BCL2L14: variants seen among roughly 807,000 people sequenced by gnomAD.
BCL2L14 encodes apoptosis facilitator Bcl-2-like protein 14.
A neutral mutation model predicts 35.3 loss-of-function variants in BCL2L14; 27 were observed. The ratio of observed to expected loss-of-function variants is 0.76; its 90% CI spans 0.56 to 1.05. BCL2L14 has a LOEUF of 1.05. Ranked by LOEUF, BCL2L14 falls within the 50% of genes least tolerant of loss-of-function variation. The pLI, the probability that BCL2L14 is intolerant of heterozygous loss-of-function variation, is 0.00. For missense variants in BCL2L14, 377 were observed against 382.6 expected, an observed-to-expected ratio of 0.99 and a Z score of 0.12; for synonymous variants, 139 against 145.9, an observed-to-expected ratio of 0.95 and a Z score of 0.34.
rs182318381 is a variant in BCL2L14 at position 12,081,810 on chromosome 12, G to A, written c.433+2072G>A. On this transcript the variant is annotated intron_variant, in intron 2 of 5. Coordinates refer to ENST00000308721, the MANE Select transcript of BCL2L14 (RefSeq NM_138723.2). Reference sequence around the variant, plus strand: ...CTGACCTCGTGATCTGCCCACCTTGGGCTCCCGAAGTGCTGGGATTACAAG... The same window carrying A: ...CTGACCTCGTGATCTGCCCACCTTGAGCTCCCGAAGTGCTGGGATTACAAG... Among the ~76,000 whole-genome samples, 8 of 152,174 alleles carry A rather than the reference G, an allele frequency of 5.3e-5. No homozygotes were observed. The East Asian group carries it at 1.5e-3, about 29-fold the overall frequency.
At chr12:12,055,325 A>C (rs765145262) in intron 2 of BCL2L14, 2 of 152,252 alleles carry the variant, frequency 1.3e-5, no homozygotes, top group African/African-American at 2.4e-5. Flanking sequence ...GCCTTGCTAG[A>C]GTGAACGTGC....
intron 4 of BCL2L14, among the ~76,000 whole-genome samples, chr12:12,093,550 T>C (rs1266200660): frequency 1.3e-5 from 2 of 151,972 alleles, no homozygotes; most frequent in African/African-American, 4.8e-5. Context: ...CCCAGCACTT[T>C]GGGAGGCCGA....
At chr12:12,093,807 G>A (rs867859059) in intron 4 of BCL2L14, among the ~76,000 whole-genome samples, 21 of 46,710 alleles carry the variant, frequency 4.5e-4, no homozygotes, top group African/African-American at 6.4e-4. Flanking sequence ...AAAAAAAAAA[G>A]AAAGAAAGAA....
intron 2 of BCL2L14, among the ~76,000 whole-genome samples, chr12:12,059,262 G>A (rs2136712624): frequency 6.6e-6 from 1 of 151,864 alleles, no homozygotes; most frequent in African/African-American, 2.4e-5. Context: ...GGAGGGGCAA[G>A]TACCCCAACC....
At chr12:12,050,282 A>G (rs906574763) in intron 1 of BCL2L14, among the ~76,000 whole-genome samples, 1 of 151,996 alleles carries the variant, frequency 6.6e-6, no homozygotes, top group Non-Finnish European at 1.5e-5. Context: ...AAAGAGCCTC[A>G]ATTAGCTGGG....
At position 12,094,855 on chromosome 12, in the gene BCL2L14, G is replaced by A; in HGVS notation, c.870G>A (p.Met290Ile). ...TCACAGCTATTGACAACCACCCGAT[G>A]AACAGGGTCCTGGGCTTTGGCACCA... ...AKLTAIDNHP[M>I]NRVLGFGTKY... is the part of the protein sequence containing the mutation. The change falls in exon 5 of 6, where the codon ATG (methionine) becomes ATA (isoleucine). Residue 290 changes from methionine to isoleucine, a missense_variant. Physicochemically the swap from Met to Ile is conservative, Grantham distance 10 (BLOSUM62 1). Transcript: ENST00000308721. 1 of 1,614,156 alleles carries A rather than the reference G, an allele frequency of 6.2e-7. No homozygotes were observed. Among genetic ancestry groups the A allele is most frequent in the Non-Finnish European group, 8.5e-7 (1 of 1,180,044 alleles).
At chr12:12,086,471 A>G (rs1436201776) in intron 2 of BCL2L14, among the ~76,000 whole-genome samples, 3 of 152,220 alleles carry the variant, frequency 2.0e-5, no homozygotes, top group Non-Finnish European at 4.4e-5. Context: ...ATAGGCTACA[A>G]CACTCACTGG....
In BCL2L14 at chr12:12,099,041, G is replaced by C; in HGVS notation, c.*53G>C. The C allele has an allele frequency of 7.3e-7, 1 of 1,367,376 alleles. No homozygotes were observed. Among genetic ancestry groups the C allele is most frequent in the East Asian group, 2.3e-5 (1 of 43,718 alleles). 84.7% of individuals were successfully genotyped at this position (1,367,376 alleles called of 1,614,324 possible). A position where few individuals can be genotyped will look rare whatever the true frequency, so the allele number is the denominator to read the frequency against. On this transcript the variant is annotated 3_prime_UTR_variant, in exon 6 of 6. Transcript: ENST00000308721. ...CTTTGTCTACTGTGGTCCTGTGCAC[G>C]TTGGCCTCAGATGGACTACAGGAGA...
intron 4 of BCL2L14, among the ~76,000 whole-genome samples, chr12:12,091,471 T>G (rs1949186874): frequency 6.6e-6 from 1 of 152,218 alleles, no homozygotes; most frequent in Non-Finnish European, 1.5e-5. Context: ...GGCTTCTCTA[T>G]GCCTCCTGGG....
chr12:12,081,235 C>T (rs1948917607), intron 2 of BCL2L14, among the ~76,000 whole-genome samples: 1 of 151,954 alleles, frequency 6.6e-6, no homozygotes, highest in Non-Finnish European at 1.5e-5. Context: ...GATCACTTGA[C>T]ACCAAGAGTT....
At chr12:12,057,312 G>A (rs545669157) in intron 2 of BCL2L14, among the ~76,000 whole-genome samples, 2 of 152,246 alleles carry the variant, frequency 1.3e-5, no homozygotes, top group East Asian at 3.9e-4. Flanking sequence ...ATAATCAAAA[G>A]CAAATAAATA....
rs1470035540 is a variant in BCL2L14, at chr12:12,079,444, CT to C, written c.140del (p.Leu47ArgfsTer2). 1 of 1,614,224 alleles carries C rather than the reference CT, an allele frequency of 6.2e-7. No individual in the cohort carries two copies. The highest frequency in any genetic ancestry group is 1.7e-5 in the Admixed American group (1 of 60,028). ...CACCCCTGCTCTCTTCTCACCAAAG[CT>C]GCTGAGAACAAGAAGTTTGTCCCAG... is the stretch of plus-strand genomic sequence containing the variant. ...KSTPALFSPK[L>X]LRTRSLSQRG... On this transcript the variant is annotated frameshift_variant, in exon 2 of 6. Transcript: ENST00000308721. LOFTEE classifies it high-confidence loss of function.
At chr12:12,064,175 C>T (rs541833051) in intron 2 of BCL2L14, among the ~76,000 whole-genome samples, 1 of 152,240 alleles carries the variant, frequency 6.6e-6, no homozygotes, top group Non-Finnish European at 1.5e-5. Context: ...ACAGTTCTGT[C>T]ACCCAGGCTG....
At position 12,075,428 on chromosome 12, in the gene BCL2L14, TC is replaced by T. The variant is rs1248631177; in HGVS notation, c.-7-3870del. On this transcript the variant is annotated intron_variant, in intron 1 of 5. Transcript: ENST00000308721. ...TGTTTCTATTCTTTCTTTCTTTCTTTCTTTCTTTTTTTTTTGAGACGGAGTT... is the reference window on the plus strand; with the variant it reads ...TGTTTCTATTCTTTCTTTCTTTCTTTTTTCTTTTTTTTTTGAGACGGAGTT... Among the ~76,000 whole-genome samples the T allele has an allele frequency of 5.5e-3, 751 of 136,546 alleles. 5 individuals are homozygous for T. The highest frequency in any genetic ancestry group is 0.019 in the African/African-American group (711 of 37,514). 89.6% of individuals were successfully genotyped at this position (136,546 alleles called of 152,430 possible).
At chr12:12,060,077 T>C (rs1314566583) in intron 2 of BCL2L14, among the ~76,000 whole-genome samples, 5 of 151,428 alleles carry the variant, frequency 3.3e-5, no homozygotes, top group Admixed American at 6.6e-5. Context: ...CTGACCTCTC[T>C]CCTCCTCGCC....
At chr12:12,081,456 CAA>C (rs531114346) in intron 2 of BCL2L14, among the ~76,000 whole-genome samples, 37 of 93,672 alleles carry the variant, frequency 3.9e-4, no homozygotes, top group African/African-American at 4.5e-4. Flanking sequence ...ACTCTGTCTC[CAA>C]AAAAAAAAAA....
chr12:12,081,185 AC>A (rs377760228), intron 2 of BCL2L14, among the ~76,000 whole-genome samples: 126 of 152,132 alleles, frequency 8.3e-4, no homozygotes, highest in African/African-American at 2.9e-3. Flanking sequence ...AGAGCCCATC[AC>A]GTCGATACTC....
intron 2 of BCL2L14, among the ~76,000 whole-genome samples, chr12:12,061,590 T>A (rs982246947): frequency 5.3e-5 from 8 of 151,968 alleles, no homozygotes; most frequent in African/African-American, 9.7e-5. Context: ...TACTCTCCTA[T>A]CCTCAATACG....
chr12:12,090,996 A>G (rs535842569), intron 4 of BCL2L14, 147 bp downstream of exon 4: 70 of 470,162 alleles, frequency 1.5e-4, no homozygotes, highest in African/African-American at 1.2e-3. Flanking sequence ...TTGGAGTCAA[A>G]ATTCTTCATG....
Sources: allele counts gnomAD v4.1 joint callset (sites outside exome capture counted in the v4.1 genomes callset), GRCh38; gene constraint gnomAD v4.1.1; transcripts MANE v1.5; gene names NCBI Gene and HGNC (gene_info 2026-07-23, HGNC 2026-07-21).